Variants in AUTS2 observed in about 807,000 individuals in gnomAD.
AUTS2 encodes the protein activator of transcription and developmental regulator AUTS2.
In AUTS2, 17 loss-of-function variants were observed where a neutral mutation model predicts 112.4. The ratio of observed to expected loss-of-function variants is 0.15; its 90% CI spans 0.10 to 0.23. AUTS2 has a LOEUF of 0.23. Ranked by LOEUF, AUTS2 falls within the 10% of genes least tolerant of loss-of-function variation. AUTS2 has a pLI of 1.00. For synonymous variants in AUTS2, 751 were observed against 702.7 expected (o/e 1.07, Z -1.09); for missense variants, 1,510 against 1,701.6 (o/e 0.89, Z 1.98).
chr7:70,607,282 CTT>C (rs935334834), intron 5 of AUTS2, among the ~76,000 whole-genome samples: 1 of 152,210 alleles, frequency 6.6e-6, no homozygotes, highest in Non-Finnish European at 1.5e-5. Context: ...GGAATGCACT[CTT>C]TTTAAAATAA....
chr7:69,991,439 A>G (rs981099056), intron 2 of AUTS2, among the ~76,000 whole-genome samples: 1 of 152,184 alleles, frequency 6.6e-6, no homozygotes, highest in Non-Finnish European at 1.5e-5. Flanking sequence ...GGAGCAGCTC[A>G]CTGTGCGAAA....
chr7:70,519,266 A>G (rs1260704110), intron 5 of AUTS2, among the ~76,000 whole-genome samples: 1 of 152,178 alleles, frequency 6.6e-6, no homozygotes, highest in Non-Finnish European at 1.5e-5. Context: ...GTTAAAGGAA[A>G]GTTTCAGGTT....
intron 5 of AUTS2, chr7:70,436,036 G>A (rs1795880729): frequency 7.7e-6 from 3 of 388,968 alleles, no homozygotes; most frequent in Non-Finnish European, 1.4e-5. Context: ...CTTTATGGAA[G>A]ATGACTCATA....
At chr7:69,629,993 C>A (rs1395296124) in intron 1 of AUTS2, among the ~76,000 whole-genome samples, 1 of 151,898 alleles carries the variant, frequency 6.6e-6, no homozygotes, top group Non-Finnish European at 1.5e-5. Context: ...TAATTTATAC[C>A]CTTGAAGATG....
intron 5 of AUTS2, among the ~76,000 whole-genome samples, chr7:70,642,633 C>T (rs1805901315): frequency 6.6e-6 from 1 of 152,170 alleles, no homozygotes; most frequent in Non-Finnish European, 1.5e-5. Context: ...TGTGTCCATA[C>T]TGATGACATT....
At chr7:70,734,874 C>T (rs1312914971) in intron 6 of AUTS2, among the ~76,000 whole-genome samples, 3 of 151,952 alleles carry the variant, frequency 2.0e-5, no homozygotes, top group Admixed American at 6.6e-5. Context: ...GCTTTCATGC[C>T]TAATAGTTAT....
chr7:70,058,622 G>GTTT (rs35484796), intron 2 of AUTS2, among the ~76,000 whole-genome samples: 3 of 143,540 alleles, frequency 2.1e-5, no homozygotes, highest in African/African-American at 5.1e-5. Flanking sequence ...CTACATGTAG[G>GTTT]TTTTTTTTTT....
chr7:70,675,104 CT>C (rs951478232), intron 5 of AUTS2, among the ~76,000 whole-genome samples: 5 of 150,784 alleles, frequency 3.3e-5, no homozygotes, highest in African/African-American at 9.8e-5. Flanking sequence ...CCTCCCCCCC[CT>C]CAACTCCCTA....
intron 5 of AUTS2, among the ~76,000 whole-genome samples, chr7:70,466,701 T>C (rs1232352756): frequency 6.6e-6 from 1 of 152,248 alleles, no homozygotes; most frequent in Non-Finnish European, 1.5e-5. Flanking sequence ...TGTATCAATT[T>C]TAAACATTAG....
intron 2 of AUTS2, among the ~76,000 whole-genome samples, chr7:69,915,043 A>T (rs1284731464): frequency 6.6e-6 from 1 of 152,082 alleles, no homozygotes; most frequent in Non-Finnish European, 1.5e-5. Context: ...TCTGCCCATG[A>T]TGTGTTTATG....
intron 4 of AUTS2, among the ~76,000 whole-genome samples, chr7:70,427,410 A>T (rs1184133134): frequency 1.3e-5 from 2 of 152,170 alleles, no homozygotes; most frequent in East Asian, 3.8e-4. Flanking sequence ...ATGTATATTT[A>T]TACTTGGCAA....
rs921401593 is a variant in AUTS2, at chr7:70,036,759, G to A, written c.523-81373G>A. Among the ~76,000 whole-genome samples, 3 of 152,186 alleles carry A rather than the reference G, an allele frequency of 2.0e-5. 1 individual carries two copies. The highest frequency in any genetic ancestry group is 4.1e-4 in the South Asian group (2 of 4,832). On this transcript the variant is annotated intron_variant, in intron 2 of 18. Transcript: ENST00000342771. ...GAAGGCCTCTGCCAGCAGGAATTCC[G>A]AAGACACCAAAACTGATGTCACTGG...
intron 5 of AUTS2, among the ~76,000 whole-genome samples, chr7:70,477,717 A>T (rs761776177): frequency 2.6e-5 from 4 of 152,228 alleles, no homozygotes; most frequent in African/African-American, 9.6e-5. Context: ...GATCATTAAC[A>T]TACTTAAAGG....
At chr7:70,501,200 T>C (rs1798758833) in intron 5 of AUTS2, among the ~76,000 whole-genome samples, 1 of 152,204 alleles carries the variant, frequency 6.6e-6, no homozygotes, top group South Asian at 2.1e-4. Context: ...TAAGTAAAAA[T>C]ATCTCGGGCA....
Position 70,781,617 on chromosome 7 carries a change from A to G in AUTS2, c.2007A>G (p.Lys669=), listed in dbSNP as rs1791087120. ...QIYHHQQKVK[K]QMQSDPHKLD... ...TTACTGTTCCCCTTGCTGTGTAGAA[A>G]CAGATGCAGTCAGACCCACATAAGC... Residue 669 remains lysine (K), a splice_region_variant and synonymous_variant, in exon 15 of 19, where the codon AAA becomes AAG. Coordinates refer to ENST00000342771, the MANE Select transcript of AUTS2 (RefSeq NM_015570.4). 2 of 1,614,050 alleles carry G rather than the reference A, an allele frequency of 1.2e-6. No individual in the cohort carries two copies. The highest frequency in any genetic ancestry group is 2.2e-5 in the East Asian group (1 of 44,866).
At chr7:70,107,757 T>C (rs1277217413) in intron 2 of AUTS2, among the ~76,000 whole-genome samples, 1 of 149,950 alleles carries the variant, frequency 6.7e-6, no homozygotes, top group Admixed American at 6.6e-5. Flanking sequence ...CTCATGCCTG[T>C]AATCCCAGCA....
At chr7:69,838,230 T>G (rs1791812307) in intron 1 of AUTS2, among the ~76,000 whole-genome samples, 1 of 152,230 alleles carries the variant, frequency 6.6e-6, no homozygotes, top group African/African-American at 2.4e-5. Flanking sequence ...AGAAGAATTT[T>G]GGGCTCTGAA....
intron 5 of AUTS2, among the ~76,000 whole-genome samples, chr7:70,479,262 C>T (rs1450625978): frequency 6.6e-6 from 1 of 152,036 alleles, no homozygotes; most frequent in Non-Finnish European, 1.5e-5. Flanking sequence ...ATAAAATGTT[C>T]CTTGGAGGGT....
intron 2 of AUTS2, among the ~76,000 whole-genome samples, chr7:70,067,532 T>C (rs1053464722): frequency 1.2e-4 from 19 of 152,228 alleles, no homozygotes; most frequent in African/African-American, 4.6e-4. Flanking sequence ...TAGGACATGC[T>C]GAGTTGGTGA....
Sources: allele counts gnomAD v4.1 joint callset (sites outside exome capture counted in the v4.1 genomes callset), GRCh38; gene constraint gnomAD v4.1.1; transcripts MANE v1.5; gene names NCBI Gene and HGNC (gene_info 2026-07-23, HGNC 2026-07-21).